LOC128092253: variants seen among roughly 807,000 people sequenced by gnomAD.
chr6:133,969,440 G>A, the LOC128092253 span, among the ~76,000 whole-genome samples: 1 of 151,998 alleles, frequency 6.6e-6, no homozygotes, highest in South Asian at 2.1e-4. Flanking sequence ...TATCTAGATT[G>A]AGTCTCATAG....
At chr6:133,979,813 A>AT in the LOC128092253 span, among the ~76,000 whole-genome samples, 1 of 151,808 alleles carries the variant, frequency 6.6e-6, no homozygotes, top group Non-Finnish European at 1.5e-5. Flanking sequence ...TGCCCGGCTA[A>AT]TTTTTGTATT....
the LOC128092253 span, among the ~76,000 whole-genome samples, chr6:133,967,622 A>T: frequency 7.2e-5 from 11 of 152,180 alleles, no homozygotes; most frequent in African/African-American, 2.4e-4. Flanking sequence ...CCTATACAGC[A>T]TGTTTCTTTA....
At chr6:133,970,761 T>A in the LOC128092253 span, among the ~76,000 whole-genome samples, 2 of 152,074 alleles carry the variant, frequency 1.3e-5, no homozygotes, top group Non-Finnish European at 2.9e-5. Context: ...CCACCATACC[T>A]GGCTAATTTT....
At chr6:133,962,664 A>C in the LOC128092253 span, among the ~76,000 whole-genome samples, 3 of 152,254 alleles carry the variant, frequency 2.0e-5, no homozygotes, top group African/African-American at 7.2e-5. Context: ...TGTAGGAGCC[A>C]GCCATAAGCT....
chr6:133,978,071 C>T, the LOC128092253 span, among the ~76,000 whole-genome samples: 1 of 152,144 alleles, frequency 6.6e-6, no homozygotes, highest in South Asian at 2.1e-4. Flanking sequence ...TTATTTCTGC[C>T]ACATTGTACC....
the LOC128092253 span, among the ~76,000 whole-genome samples, chr6:133,955,027 T>C: frequency 8.5e-5 from 13 of 152,214 alleles, no homozygotes; most frequent in African/African-American, 2.6e-4. Flanking sequence ...GAAACTTAAG[T>C]TGCATTTTAA....
At chr6:133,954,936 A>G in the LOC128092253 span, among the ~76,000 whole-genome samples, 1 of 152,232 alleles carries the variant, frequency 6.6e-6, no homozygotes, top group Non-Finnish European at 1.5e-5. Context: ...AGCTTTTAAT[A>G]TGGAATTGAG....
At chr6:133,972,678 G>GTGTTTGTT in the LOC128092253 span, among the ~76,000 whole-genome samples, 1 of 150,904 alleles carries the variant, frequency 6.6e-6, no homozygotes, top group South Asian at 2.1e-4. Flanking sequence ...TATGATCTTG[G>GTGTTTGTT]TGTTTGTTTG....
the LOC128092253 span, among the ~76,000 whole-genome samples, chr6:133,977,999 C>G: frequency 6.6e-6 from 1 of 152,212 alleles, no homozygotes; most frequent in Non-Finnish European, 1.5e-5. Flanking sequence ...TTGACCAGAA[C>G]ATATTCAGGT....
At chr6:133,963,790 G>C in the LOC128092253 span, among the ~76,000 whole-genome samples, 10 of 151,942 alleles carry the variant, frequency 6.6e-5, no homozygotes, top group Non-Finnish European at 1.5e-4. Context: ...CAGCACTTTG[G>C]GAGGCTGAGG....
the LOC128092253 span, among the ~76,000 whole-genome samples, chr6:133,976,125 T>C: frequency 6.6e-6 from 1 of 152,174 alleles, no homozygotes; most frequent in Non-Finnish European, 1.5e-5. Flanking sequence ...AAAGGGCTTG[T>C]AGGAAAAAAA....
chr6:133,974,711 A>C, the LOC128092253 span, among the ~76,000 whole-genome samples: 1 of 152,254 alleles, frequency 6.6e-6, no homozygotes, highest in Non-Finnish European at 1.5e-5. Context: ...ACACAGCCAG[A>C]GTATCTCCTA....
chr6:133,964,727 T>C, the LOC128092253 span, among the ~76,000 whole-genome samples: 112 of 152,226 alleles, frequency 7.4e-4, 1 homozygote, highest in African/African-American at 2.6e-3. Context: ...GGATTACAGG[T>C]GTGAGCCACC....
the LOC128092253 span, among the ~76,000 whole-genome samples, chr6:133,970,857 C>T: frequency 6.6e-6 from 1 of 152,122 alleles, no homozygotes; most frequent in Admixed American, 6.5e-5. Context: ...ACATATTATA[C>T]ATATTTATGA....
chr6:133,965,612 T>G, the LOC128092253 span, among the ~76,000 whole-genome samples: 39 of 143,104 alleles, frequency 2.7e-4, no homozygotes, highest in South Asian at 4.4e-4. Context: ...GTTTTGTGGG[T>G]TTTTTTTTTT....
At chr6:133,972,743 A>G in the LOC128092253 span, among the ~76,000 whole-genome samples, 1 of 152,162 alleles carries the variant, frequency 6.6e-6, no homozygotes, top group Non-Finnish European at 1.5e-5. Flanking sequence ...CAAGTTTTGC[A>G]TCAATTCATT....
At chr6:133,969,876 A>G in the LOC128092253 span, among the ~76,000 whole-genome samples, 1 of 152,250 alleles carries the variant, frequency 6.6e-6, no homozygotes, top group Non-Finnish European at 1.5e-5. Flanking sequence ...TAGAATTAAA[A>G]TGGAAATTTA....
chr6:133,963,794 G>A, the LOC128092253 span, among the ~76,000 whole-genome samples: 1 of 151,894 alleles, frequency 6.6e-6, no homozygotes, highest in East Asian at 2.0e-4. Context: ...ACTTTGGGAG[G>A]CTGAGGCGGG....
chr6:133,959,732 C>T, the LOC128092253 span, among the ~76,000 whole-genome samples: 2 of 152,216 alleles, frequency 1.3e-5, no homozygotes, highest in African/African-American at 4.8e-5. Context: ...GTCCCTCTGC[C>T]TCAGCCTCCC....
Sources: allele counts gnomAD v4.1 joint callset (sites outside exome capture counted in the v4.1 genomes callset), GRCh38; gene constraint gnomAD v4.1.1; transcripts MANE v1.5.